PARD6G: variants seen among roughly 807,000 people sequenced by gnomAD.
The protein encoded by PARD6G is partitioning defective 6 homolog gamma.
Under a neutral mutation model 10.7 loss-of-function variants are expected in PARD6G, and 7 were observed. The ratio of observed to expected loss-of-function variants is 0.66; its 90% CI spans 0.37 to 1.23. The LOEUF is 1.23. Ranked by LOEUF, PARD6G falls within the 50% of genes most tolerant of loss-of-function variation. The pLI is 0.02. For missense variants in PARD6G, 548 were observed against 571.8 expected (o/e 0.96, Z 0.42); for synonymous variants, 287 against 269.4 (o/e 1.07, Z -0.64).
At chr18:80,187,100 A>G (rs79001826) in intron 2 of PARD6G, among the ~76,000 whole-genome samples, 1 of 138,664 alleles carries the variant, frequency 7.2e-6, no homozygotes, top group Non-Finnish European at 1.5e-5. Context: ...CTGTCTCAAG[A>G]AAAAAAAAAA....
At chr18:80,236,016 C>T (rs995770172) in intron 1 of PARD6G, among the ~76,000 whole-genome samples, 8 of 152,280 alleles carry the variant, frequency 5.3e-5, no homozygotes, top group African/African-American at 1.9e-4. Flanking sequence ...CCAGCATCAT[C>T]CTGATACCAA....
intron 1 of PARD6G, among the ~76,000 whole-genome samples, chr18:80,210,397 G>A (rs1314581652): frequency 6.6e-6 from 1 of 152,306 alleles, no homozygotes; most frequent in Non-Finnish European, 1.5e-5. Flanking sequence ...CAAGCTTTGC[G>A]GTGCTTTCAC....
intron 1 of PARD6G, among the ~76,000 whole-genome samples, chr18:80,234,129 C>T (rs1474426753): frequency 6.6e-6 from 1 of 152,010 alleles, no homozygotes; most frequent in African/African-American, 2.4e-5. Context: ...CAAGTTCAGG[C>T]ACGTTTTCCA....
In PARD6G at chr18:80,159,755, G is replaced by A. The variant is rs369956407; in HGVS notation, c.*16C>T. ...ACCGGGGAACTGGAGCTAGGATTTG[G>A]GGGCCTCTCGGGAGTCTAGAGCGTG... On this transcript the variant is annotated 3_prime_UTR_variant, in exon 3 of 3. Transcript: ENST00000353265. The A allele has an allele frequency of 2.4e-3, 3,301 of 1,385,468 alleles. 12 individuals are homozygous for A. The highest frequency in any genetic ancestry group is 0.011 in the Middle Eastern group (59 of 5,352). The allele number at this position is 1,385,468 out of a possible 1,614,324, so 85.8% of individuals were successfully genotyped here. A position where few individuals can be genotyped will look rare whatever the true frequency, so the allele number is the denominator to read the frequency against.
chr18:80,212,969 T>C (rs544187245), intron 1 of PARD6G, among the ~76,000 whole-genome samples: 28 of 152,318 alleles, frequency 1.8e-4, no homozygotes, highest in African/African-American at 6.7e-4. Context: ...TAATAAATAT[T>C]TGGGGTCTTT....
At chr18:80,174,209 G>A (rs1047693174) in intron 2 of PARD6G, among the ~76,000 whole-genome samples, 3 of 152,116 alleles carry the variant, frequency 2.0e-5, no homozygotes, top group Admixed American at 1.3e-4. Context: ...CCAGGTCCAC[G>A]AACCAAGGGC....
intron 1 of PARD6G, among the ~76,000 whole-genome samples, chr18:80,210,788 C>T (rs766758138): frequency 4.6e-5 from 7 of 152,148 alleles, no homozygotes; most frequent in Non-Finnish European, 8.8e-5. Context: ...AGATACAAAG[C>T]ATTTACTTTA....
chr18:80,204,596 C>T (rs1403422357), intron 1 of PARD6G, among the ~76,000 whole-genome samples: 1 of 151,432 alleles, frequency 6.6e-6, no homozygotes, highest in Non-Finnish European at 1.5e-5. Flanking sequence ...TGTGCACTGC[C>T]CTCAGCAATT....
Position 80,159,851 on chromosome 18 carries a change from AGCTGAGCAGCCGCTGGAGGCC to A in PARD6G, c.1030_1050del (p.Gly344_Ser350del), listed in dbSNP as rs2052683486. 2 of 1,507,836 alleles carry A rather than the reference AGCTGAGCAGCCGCTGGAGGCC, an allele frequency of 1.3e-6. No individual in the cohort carries two copies. The highest frequency in any genetic ancestry group is 4.6e-5 in the Admixed American group (2 of 43,442). 93.4% of individuals were successfully genotyped at this position (1,507,836 alleles called of 1,614,324 possible). A position where few individuals can be genotyped will look rare whatever the true frequency, so the allele number is the denominator to read the frequency against. On this transcript the variant is annotated inframe_deletion, in exon 3 of 3. Coordinates refer to ENST00000353265, the MANE Select transcript of PARD6G (RefSeq NM_032510.4). ...CTGTGACGGGGGTCGGCCCGCAGGG[AGCTGAGCAGCCGCTGGAGGCC>A]GCCGTCCAGGGCCAGGTCCCGCTGC...
intron 1 of PARD6G, 26 bp from the exon 2 acceptor site, chr18:80,202,958 GGA>G: frequency 3.3e-6 from 1 of 300,372 alleles, no homozygotes; most frequent in Non-Finnish European, 6.6e-6. Context: ...CGGGGTGGGG[GGA>G]GGGGCATTAA....
chr18:80,221,344 A>T (rs762294920), intron 1 of PARD6G, among the ~76,000 whole-genome samples: 1 of 152,224 alleles, frequency 6.6e-6, no homozygotes, highest in African/African-American at 2.4e-5. Context: ...CTAGCAACAT[A>T]TAAAAAGGAC....
intron 1 of PARD6G, among the ~76,000 whole-genome samples, chr18:80,225,085 C>G (rs930616485): frequency 6.6e-6 from 1 of 152,178 alleles, no homozygotes; most frequent in Non-Finnish European, 1.5e-5. Context: ...TAGGATGTCA[C>G]GCTTTTGCTG....
intron 2 of PARD6G, among the ~76,000 whole-genome samples, chr18:80,177,744 C>T (rs1293459758): frequency 6.6e-6 from 1 of 151,202 alleles, no homozygotes; most frequent in Non-Finnish European, 1.5e-5. Context: ...AAATCACAGT[C>T]CAAATGGGAA....
intron 1 of PARD6G, among the ~76,000 whole-genome samples, chr18:80,209,481 C>T (rs1372125904): frequency 6.6e-6 from 1 of 151,994 alleles, no homozygotes; most frequent in Non-Finnish European, 1.5e-5. Flanking sequence ...TAAAAATTAT[C>T]TCAAATACAA....
intron 1 of PARD6G, among the ~76,000 whole-genome samples, chr18:80,223,711 G>A (rs1405238992): frequency 6.6e-6 from 1 of 152,186 alleles, no homozygotes; most frequent in Non-Finnish European, 1.5e-5. Context: ...CTAACTAGAA[G>A]CCATGTTCAG....
intron 2 of PARD6G, among the ~76,000 whole-genome samples, chr18:80,163,516 C>A (rs1177190408): frequency 1.3e-5 from 2 of 152,214 alleles, no homozygotes. Flanking sequence ...TCACAGCCAC[C>A]CATCCCGGGA....
intron 2 of PARD6G, among the ~76,000 whole-genome samples, chr18:80,195,548 C>CATATATATAT (rs201373415): frequency 0.022 from 1,830 of 81,876 alleles, 101 homozygotes; most frequent in African/African-American, 0.072. Flanking sequence ...TTCAAAGATA[C>CATATATATAT]ATATATATAT....
intron 1 of PARD6G, among the ~76,000 whole-genome samples, chr18:80,236,614 G>T (rs1000117690): frequency 8.5e-5 from 13 of 152,168 alleles, no homozygotes; most frequent in African/African-American, 3.1e-4. Flanking sequence ...CATCGTCTCA[G>T]CCCAAAATCT....
intron 1 of PARD6G, among the ~76,000 whole-genome samples, chr18:80,224,547 A>G (rs970588255): frequency 1.3e-5 from 2 of 152,086 alleles, no homozygotes; most frequent in African/African-American, 2.4e-5. Context: ...AAGCTTCCCA[A>G]TTGAAAGTGA....
Sources: gnomAD v4.1 joint callset for allele counts (sites outside exome capture counted in the v4.1 genomes callset) on GRCh38, gnomAD v4.1.1 for gene constraint, MANE v1.5 for transcripts, NCBI Gene and HGNC (gene_info 2026-07-23, HGNC 2026-07-21) for gene names.